Variants in WWOX observed in about 807,000 individuals in gnomAD.
The protein encoded by WWOX is WW domain-containing oxidoreductase.
A neutral mutation model predicts 46.2 loss-of-function variants in WWOX; 69 were observed. That is an observed-to-expected ratio of 1.49 (90% CI 1.23 to 1.82). The LOEUF (loss-of-function observed/expected upper bound fraction) is 1.82, where lower values mean the gene tolerates loss of function less well. Ranked by LOEUF, WWOX falls within the 40% of genes most tolerant of loss-of-function variation. The pLI is 0.00. For missense variants in WWOX, 919 were observed against 542.6 expected (o/e 1.69, Z -6.89); for synonymous variants, 359 against 202.6 (o/e 1.77, Z -6.56).
At chr16:78,680,875 A>C (rs962061158) in intron 8 of WWOX, among the ~76,000 whole-genome samples, 4 of 151,910 alleles carry the variant, frequency 2.6e-5, no homozygotes, top group African/African-American at 9.7e-5. Flanking sequence ...CTTTGGGAGG[A>C]TGAAGTGGGA....
intron 8 of WWOX, among the ~76,000 whole-genome samples, chr16:78,662,759 A>G (rs1270068900): frequency 1.3e-5 from 2 of 152,292 alleles, no homozygotes; most frequent in East Asian, 1.9e-4. Context: ...TCCACTTCCA[A>G]GCTGCACAGT....
intron 8 of WWOX, among the ~76,000 whole-genome samples, chr16:79,008,138 T>A (rs980335221): frequency 3.3e-5 from 5 of 152,182 alleles, no homozygotes; most frequent in Non-Finnish European, 7.4e-5. Context: ...ACTGTAGGAC[T>A]GAGGTGCTTG....
chr16:79,081,351 A>G (rs754004390), intron 8 of WWOX, among the ~76,000 whole-genome samples: 10 of 152,012 alleles, frequency 6.6e-5, no homozygotes, highest in Admixed American at 4.6e-4. Flanking sequence ...TTCAGTAGAG[A>G]TGGGGTTTTG....
At chr16:78,637,946 C>T (rs1448036283) in intron 8 of WWOX, among the ~76,000 whole-genome samples, 1 of 152,118 alleles carries the variant, frequency 6.6e-6, no homozygotes, top group Non-Finnish European at 1.5e-5. Flanking sequence ...AAGGGGTCTC[C>T]ATGGTTTCTT....
At chr16:78,144,523 A>ATATT (rs1198739687) in intron 4 of WWOX, among the ~76,000 whole-genome samples, 1 of 18,632 alleles carries the variant, frequency 5.4e-5, no homozygotes, top group African/African-American at 2.7e-4. Context: ...ATATATATAT[A>ATATT]TTTTTTTTTT....
At chr16:78,716,154 C>A (rs149719712) in intron 8 of WWOX, among the ~76,000 whole-genome samples, 1 of 151,910 alleles carries the variant, frequency 6.6e-6, no homozygotes, top group Non-Finnish European at 1.5e-5. Context: ...ATTTTGGGCA[C>A]AGAGACAGAG....
At chr16:78,508,686 G>A (rs1345547675) in intron 8 of WWOX, among the ~76,000 whole-genome samples, 1 of 152,176 alleles carries the variant, frequency 6.6e-6, no homozygotes, top group Non-Finnish European at 1.5e-5. Context: ...CAAAGCAACA[G>A]AAGAAACGCT....
chr16:79,094,452 A>G (rs558902666), intron 8 of WWOX, among the ~76,000 whole-genome samples: 46 of 152,026 alleles, frequency 3.0e-4, no homozygotes, highest in Non-Finnish European at 4.4e-5. Flanking sequence ...GGGTTTCACC[A>G]TGTTGGCCAA....
rs113846594 is a variant in WWOX at position 78,374,710 on chromosome 16, G to C, written c.517-12150G>C. On this transcript the variant is annotated intron_variant, in intron 5 of 8. Transcript: ENST00000566780. ...ACTACAGGTGCCCGCCACCAGGCCT[G>C]GCTAATTTTTTTTGTATTATTAGTA... Among the ~76,000 whole-genome samples the C allele has an allele frequency of 7.9e-5, 12 of 151,962 alleles. 1 individual carries two copies. Among genetic ancestry groups the C allele is most frequent in the African/African-American group, 2.7e-4 (11 of 41,464 alleles).
intron 8 of WWOX, among the ~76,000 whole-genome samples, chr16:78,614,274 A>C (rs996080205): frequency 1.3e-5 from 2 of 152,260 alleles, no homozygotes; most frequent in African/African-American, 2.4e-5. Context: ...CTTGGGCAGT[A>C]TAGATAAATA....
chr16:78,112,301 C>G (rs2032537446), intron 3 of WWOX, among the ~76,000 whole-genome samples: 1 of 152,144 alleles, frequency 6.6e-6, no homozygotes, highest in African/African-American at 2.4e-5. Context: ...TTGAGGCTCT[C>G]CAAAGCATTC....
chr16:79,026,295 G>C (rs1040827228), intron 8 of WWOX, among the ~76,000 whole-genome samples: 3 of 151,642 alleles, frequency 2.0e-5, no homozygotes, highest in Non-Finnish European at 4.4e-5. Context: ...GCCTGCCACA[G>C]GGCCTTTGCA....
intron 8 of WWOX, among the ~76,000 whole-genome samples, chr16:78,598,171 A>G (rs2045534775): frequency 6.6e-6 from 1 of 152,192 alleles, no homozygotes; most frequent in African/African-American, 2.4e-5. Context: ...GGAGGAACTG[A>G]TTTTCAAACA....
intron 5 of WWOX, among the ~76,000 whole-genome samples, chr16:78,197,678 C>T (rs568968634): frequency 1.3e-5 from 2 of 152,090 alleles, no homozygotes; most frequent in Non-Finnish European, 2.9e-5. Context: ...TATTGCATGC[C>T]AAACGTTTAT....
chr16:79,125,921 G>C (rs1224823317), intron 8 of WWOX, among the ~76,000 whole-genome samples: 1 of 152,174 alleles, frequency 6.6e-6, no homozygotes, highest in Non-Finnish European at 1.5e-5. Context: ...TCTTCTCCAG[G>C]AGACTGTCAT....
chr16:79,005,009 G>T (rs1264093814), intron 8 of WWOX, among the ~76,000 whole-genome samples: 1 of 152,198 alleles, frequency 6.6e-6, no homozygotes, highest in Non-Finnish European at 1.5e-5. Context: ...AAGGGGAAGG[G>T]AGAGGGAAGG....
At chr16:79,205,695 A>G (rs923862546) in intron 8 of WWOX, 3 of 152,216 alleles carry the variant, frequency 2.0e-5, no homozygotes, top group Admixed American at 6.5e-5. Context: ...TTACATTTCA[A>G]TACCTACAGG....
intron 7 of WWOX, among the ~76,000 whole-genome samples, chr16:78,431,753 G>C (rs572830909): frequency 2.0e-5 from 3 of 148,082 alleles, no homozygotes; most frequent in African/African-American, 7.5e-5. Flanking sequence ...GTCTCACTCT[G>C]TTGCCCAGGC....
At chr16:78,555,914 A>G (rs1232010056) in intron 8 of WWOX, among the ~76,000 whole-genome samples, 1 of 152,160 alleles carries the variant, frequency 6.6e-6, no homozygotes, top group African/African-American at 2.4e-5. Flanking sequence ...TGTCTACTGC[A>G]GGGTATTTAT....
Sources: allele counts gnomAD v4.1 joint callset (sites outside exome capture counted in the v4.1 genomes callset), GRCh38; gene constraint gnomAD v4.1.1; transcripts MANE v1.5; gene names NCBI Gene and HGNC (gene_info 2026-07-23, HGNC 2026-07-21).